The following GPHN variants were observed in gnomAD, a reference collection of about 807,000 sequenced individuals.
GPHN encodes gephyrin.
Under a neutral mutation model 95.5 loss-of-function variants are expected in GPHN, and 17 were observed. The ratio of observed to expected loss-of-function variants is 0.18; its 90% CI spans 0.12 to 0.27. The LOEUF is 0.27. GPHN is among the 10% of genes least tolerant of loss of function. GPHN has a pLI of 1.00. For missense variants in GPHN, 660 were observed against 978.1 expected, an observed-to-expected ratio of 0.67 and a Z score of 4.34; for synonymous variants, 320 against 322.5, an observed-to-expected ratio of 0.99 and a Z score of 0.08.
At chr14:67,112,636 C>T (rs909355510) in intron 15 of GPHN, among the ~76,000 whole-genome samples, 6 of 152,020 alleles carry the variant, frequency 3.9e-5, no homozygotes, top group South Asian at 2.1e-4. Flanking sequence ...TCATTAATGC[C>T]GCTAGATATT....
chr14:67,530,697 T>A, the GPHN span, among the ~76,000 whole-genome samples: 1 of 152,124 alleles, frequency 6.6e-6, no homozygotes, highest in Non-Finnish European at 1.5e-5. Context: ...AATAAGCAGT[T>A]TTCAAAACAT....
chr14:67,392,327 T>G, the GPHN span: 1 of 1,590,044 alleles, frequency 6.3e-7, no homozygotes, highest in Non-Finnish European at 8.6e-7. Flanking sequence ...CAGCCATACC[T>G]GCTTGGCCAG....
At position 66,525,322 on chromosome 14, in the gene GPHN, C is replaced by T. The variant is rs537512801; in HGVS notation, c.64+16731C>T. On this transcript the variant is annotated intron_variant, in intron 1 of 22. Coordinates refer to ENST00000478722, the MANE Select transcript of GPHN (RefSeq NM_020806.5). ...TTGAGAAGTGTCTGTTCATATCCTT[C>T]ACCCACTTTTTGGTGGGGTTGTTTT... Among the ~76,000 whole-genome samples, 42 of 152,244 alleles carry T rather than the reference C, an allele frequency of 2.8e-4. No individual in the cohort carries two copies. The East Asian group carries it at 3.1e-3, about 11-fold the overall frequency.
the GPHN span, chr14:67,196,953 G>C: frequency 1.3e-5 from 2 of 152,002 alleles, no homozygotes; most frequent in African/African-American, 4.8e-5. Context: ...TTTTGAGACA[G>C]GCTCTCGCTC....
At chr14:67,047,492 A>G (rs2075093884) in intron 10 of GPHN, among the ~76,000 whole-genome samples, 1 of 150,836 alleles carries the variant, frequency 6.6e-6, no homozygotes, top group African/African-American at 2.4e-5. Flanking sequence ...CAGCCTTCTG[A>G]GTAGCTGGGA....
the GPHN span, among the ~76,000 whole-genome samples, chr14:67,469,646 CTGGTGGTGG>C: frequency 0.015 from 2,195 of 150,076 alleles, 44 homozygotes; most frequent in African/African-American, 0.049. Flanking sequence ...GGGCAGCGGC[CTGGTGGTGG>C]TGGTGGTGGT....
intron 9 of GPHN, among the ~76,000 whole-genome samples, chr14:66,977,596 T>C (rs959721192): frequency 6.6e-6 from 1 of 152,160 alleles, no homozygotes; most frequent in Non-Finnish European, 1.5e-5. Flanking sequence ...AAATAACTTG[T>C]ATTAATAGTA....
intron 9 of GPHN, among the ~76,000 whole-genome samples, chr14:67,021,190 C>T (rs1208307446): frequency 6.6e-6 from 1 of 152,018 alleles, no homozygotes; most frequent in Non-Finnish European, 1.5e-5. Context: ...TTCTTTTCTT[C>T]AGTGGTGTAT....
the GPHN span, chr14:67,589,353 A>G: frequency 1.0e-6 from 1 of 983,458 alleles, no homozygotes; most frequent in Non-Finnish European, 1.2e-6. Context: ...TGAGAGTCCC[A>G]TGTCTGAAAA....
intron 10 of GPHN, among the ~76,000 whole-genome samples, chr14:67,031,251 T>G (rs1315204236): frequency 6.6e-6 from 1 of 152,162 alleles, no homozygotes; most frequent in Non-Finnish European, 1.5e-5. Context: ...AAACATGAAT[T>G]TTTATCTTTT....
the GPHN span, chr14:67,395,681 T>G: frequency 1.1e-6 from 1 of 904,390 alleles, no homozygotes; most frequent in Non-Finnish European, 1.8e-6. Context: ...TAGGTGACAG[T>G]GACTGCCAAA....
intron 3 of GPHN, among the ~76,000 whole-genome samples, chr14:66,810,726 T>C (rs4141703): frequency 0.23 from 35,658 of 152,114 alleles, 8,268 homozygotes; most frequent in African/African-American, 0.56. Context: ...AGGCACTTAA[T>C]TTTTTAGTTC....
At chr14:66,701,309 T>C (rs1405586647) in intron 2 of GPHN, among the ~76,000 whole-genome samples, 1 of 152,244 alleles carries the variant, frequency 6.6e-6, no homozygotes, top group African/African-American at 2.4e-5. Context: ...ACATCACTTT[T>C]TAATAGCTGC....
chr14:67,309,322 T>C, the GPHN span, among the ~76,000 whole-genome samples: 1 of 152,196 alleles, frequency 6.6e-6, no homozygotes, highest in African/African-American at 2.4e-5. Context: ...AAAAGTCATA[T>C]AGTATCTGTT....
At chr14:67,049,485 G>A (rs557922718) in intron 10 of GPHN, among the ~76,000 whole-genome samples, 1 of 149,792 alleles carries the variant, frequency 6.7e-6, no homozygotes, top group Non-Finnish European at 1.5e-5. Context: ...CTTTGGGTTT[G>A]TAATTTACAA....
At chr14:66,603,640 T>C (rs1205293901) in intron 1 of GPHN, among the ~76,000 whole-genome samples, 1 of 152,010 alleles carries the variant, frequency 6.6e-6, no homozygotes, top group Non-Finnish European at 1.5e-5. Context: ...TTAATTCTTA[T>C]ATTGAATGTA....
At chr14:66,801,636 C>A (rs937537353) in intron 3 of GPHN, among the ~76,000 whole-genome samples, 1 of 134,294 alleles carries the variant, frequency 7.4e-6, no homozygotes, top group African/African-American at 2.7e-5. Context: ...CTCTCTCCCC[C>A]CTCTCTCTCC....
chr14:67,022,223 G>T (rs559664820), intron 9 of GPHN, among the ~76,000 whole-genome samples: 2 of 152,142 alleles, frequency 1.3e-5, no homozygotes, highest in African/African-American at 4.8e-5. Context: ...AATTTTTAAT[G>T]AGAAATAGCA....
chr14:66,562,488 A>T (rs1330406378), intron 1 of GPHN, among the ~76,000 whole-genome samples: 1 of 152,126 alleles, frequency 6.6e-6, no homozygotes, highest in African/African-American at 2.4e-5. Context: ...GGTGGGGGAA[A>T]CAGATAAGAG....
Sources: allele counts gnomAD v4.1 joint callset (sites outside exome capture counted in the v4.1 genomes callset), GRCh38; gene constraint gnomAD v4.1.1; transcripts MANE v1.5; gene names NCBI Gene and HGNC (gene_info 2026-07-23, HGNC 2026-07-21).